EYS: variants seen among roughly 807,000 people sequenced by gnomAD.
The protein encoded by EYS is EGF-like photoreceptor maintenance factor.
EYS carries 250 observed loss-of-function variants against 282.1 expected under a neutral mutation model. The observed-to-expected ratio is 0.89, with a 90% CI of 0.80 to 0.98. The LOEUF (loss-of-function observed/expected upper bound fraction) is 0.98, where lower values mean the gene tolerates loss of function less well. Ranked by LOEUF, EYS falls within the 50% of genes least tolerant of loss-of-function variation. EYS has a pLI of 0.00. For missense variants in EYS, 4,016 were observed against 3,709.0 expected, an observed-to-expected ratio of 1.08 and a Z score of -2.15; for synonymous variants, 1,355 against 1,282.9, an observed-to-expected ratio of 1.06 and a Z score of -1.20.
intron 41 of EYS, among the ~76,000 whole-genome samples, chr6:63,758,276 A>G: frequency 6.6e-6 from 1 of 152,258 alleles, no homozygotes; most frequent in South Asian, 2.1e-4. Context: ...ATTTATCATT[A>G]TAGTTTGAAA....
intron 36 of EYS, among the ~76,000 whole-genome samples, chr6:63,820,422 A>C (rs528495707): frequency 6.6e-6 from 1 of 152,308 alleles, no homozygotes; most frequent in African/African-American, 2.4e-5. Context: ...CTGACTTTAG[A>C]TGTGAAATCC....
At chr6:65,338,405 A>T (rs979965044) in intron 10 of EYS, among the ~76,000 whole-genome samples, 1 of 151,080 alleles carries the variant, frequency 6.6e-6, no homozygotes, top group Non-Finnish European at 1.5e-5. Context: ...CAGAGAATCA[A>T]AGATCTGCTT....
rs183184380 is a variant in EYS at position 64,084,778 on chromosome 6, G to T, written c.6425-2776C>A. 5.9e-5 allele frequency among the ~76,000 whole-genome samples: 9 copies of T among 152,284 alleles called. No individual in the cohort carries two copies. In the East Asian group the frequency reaches 1.6e-3, roughly 26 times the overall value. On this transcript the variant is annotated intron_variant, in intron 31 of 42. Transcript: ENST00000503581. Reference sequence around the variant, plus strand: ...AGTTTTCTAAAGTAAATGCTCCAAGGACCTAGTCAGGAAGAAACCTTTCTA... The same window carrying T: ...AGTTTTCTAAAGTAAATGCTCCAAGTACCTAGTCAGGAAGAAACCTTTCTA...
chr6:65,093,992 A>G (rs890747130), intron 12 of EYS, among the ~76,000 whole-genome samples: 3 of 151,760 alleles, frequency 2.0e-5, no homozygotes, highest in Admixed American at 1.3e-4. Context: ...TACTTGCATG[A>G]GACAAAATAT....
intron 35 of EYS, among the ~76,000 whole-genome samples, chr6:63,921,726 G>A (rs945944181): frequency 6.6e-6 from 1 of 152,146 alleles, no homozygotes; most frequent in Non-Finnish European, 1.5e-5. Flanking sequence ...GAAATCAATA[G>A]GAACAATATC....
intron 18 of EYS, among the ~76,000 whole-genome samples, chr6:64,888,546 G>A (rs1303970628): frequency 6.6e-6 from 1 of 151,980 alleles, no homozygotes; most frequent in Non-Finnish European, 1.5e-5. Context: ...AAAATGTCAT[G>A]TGCAATGGGA....
chr6:65,306,934 ATTCAACCTGATCCTTTTTAAGCGTATTT>A (rs1769028804), intron 11 of EYS, among the ~76,000 whole-genome samples: 1 of 142,184 alleles, frequency 7.0e-6, no homozygotes, highest in Non-Finnish European at 1.5e-5. Flanking sequence ...GTTACTTACC[ATTCAACCTGATCCTTTTTAAGCGTATTT>A]TTAAGTTTGG....
intron 11 of EYS, among the ~76,000 whole-genome samples, chr6:65,319,214 A>AAAC (rs1196492250): frequency 1.4e-5 from 2 of 146,820 alleles, no homozygotes; most frequent in African/African-American, 5.0e-5. Context: ...CAAAAAAAAA[A>AAAC]AAAAAAAAAA....
chr6:63,913,532 C>G (rs1325650669), intron 35 of EYS, among the ~76,000 whole-genome samples: 1 of 152,186 alleles, frequency 6.6e-6, no homozygotes, highest in East Asian at 1.9e-4. Flanking sequence ...AACTACTCAT[C>G]TATTTTCTGT....
chr6:63,932,112 C>G (rs1562101700), intron 35 of EYS, among the ~76,000 whole-genome samples: 1 of 152,170 alleles, frequency 6.6e-6, no homozygotes, highest in African/African-American at 2.4e-5. Flanking sequence ...GCTTATTTCA[C>G]TCAACAAAAT....
intron 35 of EYS, among the ~76,000 whole-genome samples, chr6:63,866,395 C>T (rs886698309): frequency 2.6e-5 from 4 of 152,172 alleles, no homozygotes; most frequent in Admixed American, 6.6e-5. Flanking sequence ...GAGCTGCCTT[C>T]TGGAAGGACC....
At chr6:65,245,769 AAAC>A (rs1461155090) in intron 12 of EYS, among the ~76,000 whole-genome samples, 5 of 152,006 alleles carry the variant, frequency 3.3e-5, no homozygotes, top group African/African-American at 7.2e-5. Flanking sequence ...AATCTTGGAT[AAAC>A]AACAACTTTT....
In EYS at chr6:64,219,143, A is replaced by G. The variant is rs373520240; in HGVS notation, c.6424+11449T>C. ...TAATGAGCACCTGCTAAGGAATATG[A>G]CTTTTGATGCTTTTCCTGATTTCTA... On this transcript the variant is annotated intron_variant, in intron 31 of 42. Coordinates refer to ENST00000503581, the MANE Select transcript of EYS (RefSeq NM_001142800.2). Among the ~76,000 whole-genome samples the G allele has an allele frequency of 2.5e-4, 38 of 152,266 alleles. No individual in the cohort carries two copies. In the South Asian group the frequency reaches 4.4e-3, roughly 17 times the overall value.
chr6:65,247,678 A>T (rs1052534883), intron 12 of EYS, among the ~76,000 whole-genome samples: 1 of 152,100 alleles, frequency 6.6e-6, no homozygotes, highest in Non-Finnish European at 1.5e-5. Flanking sequence ...GCAAATTTGT[A>T]AACCACAGAA....
chr6:65,486,409 CAG>C (rs1765784453), intron 5 of EYS, among the ~76,000 whole-genome samples: 1 of 152,064 alleles, frequency 6.6e-6, no homozygotes, highest in Non-Finnish European at 1.5e-5. Flanking sequence ...ATTTTGGTAA[CAG>C]AATGCTCTAG....
At chr6:63,856,175 CT>C (rs1562062314) in intron 36 of EYS, among the ~76,000 whole-genome samples, 1 of 152,030 alleles carries the variant, frequency 6.6e-6, no homozygotes, top group African/African-American at 2.4e-5. Context: ...AGCAATGACT[CT>C]TTGCTAAAGG....
chr6:64,647,319 T>C (rs62417975), intron 22 of EYS, among the ~76,000 whole-genome samples: 52 of 152,098 alleles, frequency 3.4e-4, no homozygotes, highest in Non-Finnish European at 6.5e-4. Context: ...GAACATATTC[T>C]CACATGAAAG....
chr6:64,202,009 T>G (rs1172814212), intron 31 of EYS, among the ~76,000 whole-genome samples: 6 of 152,172 alleles, frequency 3.9e-5, no homozygotes, highest in Admixed American at 2.0e-4. Flanking sequence ...ATGTCAACAG[T>G]GCCAAGCTTG....
chr6:64,891,719 G>C (rs563310192), intron 18 of EYS, among the ~76,000 whole-genome samples: 4 of 152,146 alleles, frequency 2.6e-5, no homozygotes, highest in African/African-American at 9.6e-5. Flanking sequence ...CCAGTCAAAT[G>C]TACAGTCAGT....
Sources: gnomAD v4.1 joint callset for allele counts (sites outside exome capture counted in the v4.1 genomes callset) on GRCh38, gnomAD v4.1.1 for gene constraint, MANE v1.5 for transcripts, NCBI Gene and HGNC (gene_info 2026-07-23, HGNC 2026-07-21) for gene names.